Variants in USP13 observed in about 807,000 individuals in gnomAD.
USP13 encodes the protein ubiquitin carboxyl-terminal hydrolase 13.
Under a neutral mutation model 107.8 loss-of-function variants are expected in USP13, and 68 were observed. That is an observed-to-expected ratio of 0.63 (90% CI 0.52 to 0.77). The LOEUF is 0.77. Ranked by LOEUF, USP13 falls within the 30% of genes least tolerant of loss-of-function variation. The pLI is 0.00. For missense variants in USP13, 945 were observed against 1,093.3 expected (o/e 0.86, Z 1.91); for synonymous variants, 377 against 389.5 (o/e 0.97, Z 0.38).
chr3:179,740,449 T>G, intron 11 of USP13, 77 bp downstream of exon 11: 1 of 1,580,572 alleles, frequency 6.3e-7, no homozygotes, highest in Non-Finnish European at 8.6e-7. Flanking sequence ...CTGCTGTGGC[T>G]TGATCAGAAT....
At chr3:179,767,697 T>C (rs1040771288) in intron 19 of USP13, among the ~76,000 whole-genome samples, 1 of 152,202 alleles carries the variant, frequency 6.6e-6, no homozygotes, top group African/African-American at 2.4e-5. Flanking sequence ...GCAGAGGCCA[T>C]TTGGCTTTTA....
intron 8 of USP13, among the ~76,000 whole-genome samples, chr3:179,729,289 G>C (rs1713707132): frequency 6.6e-6 from 1 of 152,154 alleles, no homozygotes; most frequent in African/African-American, 2.4e-5. Flanking sequence ...GGCAGGCCAG[G>C]CTGGTCAGAC....
intron 10 of USP13, among the ~76,000 whole-genome samples, chr3:179,735,720 A>G (rs1713973214): frequency 6.6e-6 from 1 of 152,108 alleles, no homozygotes; most frequent in Non-Finnish European, 1.5e-5. Flanking sequence ...TTCTTTTAAC[A>G]TAAATATTGT....
intron 1 of USP13, among the ~76,000 whole-genome samples, chr3:179,658,401 T>C (rs890218452): frequency 6.6e-6 from 1 of 152,236 alleles, no homozygotes; most frequent in South Asian, 2.1e-4. Flanking sequence ...GCGGTTCTAG[T>C]CTGTCCTCAT....
intron 1 of USP13, among the ~76,000 whole-genome samples, chr3:179,658,668 G>A (rs952792930): frequency 6.6e-6 from 1 of 152,134 alleles, no homozygotes; most frequent in Non-Finnish European, 1.5e-5. Context: ...ACCTCACTGG[G>A]GACTCCTTGG....
intron 4 of USP13, among the ~76,000 whole-genome samples, chr3:179,705,384 T>A (rs533460243): frequency 6.6e-6 from 1 of 152,300 alleles, no homozygotes; most frequent in African/African-American, 2.4e-5. Context: ...AGAAGATTTC[T>A]CTTGCCCCAC....
At chr3:179,690,563 T>C (rs1383111137) in intron 3 of USP13, among the ~76,000 whole-genome samples, 2 of 152,122 alleles carry the variant, frequency 1.3e-5, no homozygotes, top group African/African-American at 4.8e-5. Context: ...TTCAGTTCTG[T>C]TTATTGCTTA....
chr3:179,718,790 GTC>G (rs1375126461), intron 6 of USP13, among the ~76,000 whole-genome samples: 1 of 151,728 alleles, frequency 6.6e-6, no homozygotes, highest in Non-Finnish European at 1.5e-5. Context: ...TTGAGATAGA[GTC>G]TCTCTCTGTC....
At position 179,678,777 on chromosome 3, in the gene USP13, T is replaced by C. The variant is rs1711552627; in HGVS notation, c.169-3101T>C. ...AAGCTTTAAAAATTTCATTTGCAAG[T>C]GTTTGTTGCTAATGTCTGAAACTGC... is the stretch of plus-strand genomic sequence containing the variant. On this transcript the variant is annotated intron_variant, in intron 1 of 20. Coordinates refer to ENST00000263966, the MANE Select transcript of USP13 (RefSeq NM_003940.3). This position sits in a 1 kb window ranked among gnomAD's most constrained non-coding sequence, Gnocchi z 4.2. Among the ~76,000 whole-genome samples, 1 of 152,146 alleles carries C rather than the reference T, an allele frequency of 6.6e-6. No individual in the cohort carries two copies. The highest frequency in any genetic ancestry group is 2.4e-5 in the African/African-American group (1 of 41,434).
At chr3:179,667,327 T>C (rs551842756) in intron 1 of USP13, among the ~76,000 whole-genome samples, 3 of 152,216 alleles carry the variant, frequency 2.0e-5, no homozygotes, top group Non-Finnish European at 4.4e-5. Context: ...GATGGGCTTT[T>C]ATGGGTTAGC....
chr3:179,733,948 C>T (rs1713897837), intron 10 of USP13, among the ~76,000 whole-genome samples: 1 of 152,162 alleles, frequency 6.6e-6, no homozygotes, highest in Non-Finnish European at 1.5e-5. Context: ...ATCCTACTTC[C>T]CTAACAGTTG....
rs528217865 is a variant in USP13, at chr3:179,714,488, A to G, written c.806-5452A>G. 2.6e-5 allele frequency among the ~76,000 whole-genome samples: 4 copies of G among 152,128 alleles called. 1 individual carries two copies. The highest frequency in any genetic ancestry group is 9.6e-5 in the African/African-American group (4 of 41,480). ...CAAGACCCTGTTAACAGTTTATTTAATGGTGGTCACCCAGGACGGCAGGGC... is the reference window on the plus strand; with the variant it reads ...CAAGACCCTGTTAACAGTTTATTTAGTGGTGGTCACCCAGGACGGCAGGGC... On this transcript the variant is annotated intron_variant, in intron 6 of 20. Coordinates refer to ENST00000263966, the MANE Select transcript of USP13 (RefSeq NM_003940.3).
At chr3:179,748,478 A>C (rs1714487774) in intron 13 of USP13, among the ~76,000 whole-genome samples, 1 of 152,170 alleles carries the variant, frequency 6.6e-6, no homozygotes, top group Admixed American at 6.5e-5. Context: ...CAGAGCCTGA[A>C]GACCAGGAAG....
chr3:179,721,547 C>G lies in USP13; in HGVS notation c.1046C>G (p.Ser349Cys). 1 of 1,614,050 alleles carries G rather than the reference C, an allele frequency of 6.2e-7. No individual in the cohort carries two copies. The highest frequency in any genetic ancestry group is 2.2e-5 in the East Asian group (1 of 44,878). Residue 349 changes from serine (S) to cysteine (C), a missense_variant, in exon 8 of 21, where the codon TCT (serine) becomes TGT (cysteine). Transcript: ENST00000263966. This position sits in a 1 kb window ranked among gnomAD's most constrained non-coding sequence, Gnocchi z 4.3. Reference protein sequence around the residue: ...KNLGNSCYLSSVMQAIFSIPE... With the variant: ...KNLGNSCYLSCVMQAIFSIPE... ...CTGGGCAACAGCTGCTATCTCAGCT[C>G]TGTCATGCAGGCCATCTTCAGCATC...
chr3:179,694,542 C>A (rs1311139959), intron 3 of USP13, among the ~76,000 whole-genome samples: 9 of 152,038 alleles, frequency 5.9e-5, no homozygotes, highest in Non-Finnish European at 8.8e-5. Flanking sequence ...GTGGCTCATG[C>A]CTGTAATCTC....
chr3:179,763,950 CAAAA>C (rs556912091), intron 17 of USP13, 48 bp from the exon 18 acceptor site: 6,697 of 1,206,248 alleles, frequency 5.6e-3, no homozygotes, highest in South Asian at 8.9e-3. Flanking sequence ...TGTTTCAGGA[CAAAA>C]AAAAAAAAAA....
intron 13 of USP13, among the ~76,000 whole-genome samples, chr3:179,747,472 C>T (rs1389855660): frequency 6.6e-6 from 1 of 152,138 alleles, no homozygotes; most frequent in Non-Finnish European, 1.5e-5. Flanking sequence ...GGCCCTCGGC[C>T]ACCCCTTTCT....
chr3:179,656,338 G>C (rs1057497422), intron 1 of USP13, among the ~76,000 whole-genome samples: 2 of 152,168 alleles, frequency 1.3e-5, no homozygotes, highest in African/African-American at 4.8e-5. Context: ...AGCTATTCTT[G>C]GTCATGTGAT....
At chr3:179,757,596 T>C (rs941432403) in intron 16 of USP13, among the ~76,000 whole-genome samples, 2 of 152,238 alleles carry the variant, frequency 1.3e-5, no homozygotes, top group African/African-American at 4.8e-5. Context: ...GTTGATACTC[T>C]TGGTTTTCTA....
Sources: gnomAD v4.1 joint callset for allele counts (sites outside exome capture counted in the v4.1 genomes callset) on GRCh38, gnomAD v4.1.1 for gene constraint, Gnocchi (gnomAD v3.1) non-coding constraint, MANE v1.5 for transcripts, NCBI Gene and HGNC (gene_info 2026-07-23, HGNC 2026-07-21) for gene names.